The following SNX3 variants were observed in gnomAD, a reference collection of about 807,000 sequenced individuals.
SNX3 encodes the protein sorting nexin 3, also known as sorting nexin-3.
A neutral mutation model predicts 17.7 loss-of-function variants in SNX3; 5 were observed. The observed-to-expected ratio is 0.28, with a 90% CI of 0.15 to 0.59. The LOEUF is 0.59. SNX3 is among the 20% of genes least tolerant of loss of function. The probability of loss-of-function intolerance (pLI) is 0.88; values close to 1 mark genes in which losing one functional copy is unlikely to be tolerated. For synonymous variants in SNX3, 91 were observed against 76.5 expected (o/e 1.19, Z -0.99); for missense variants, 132 against 206.8 (o/e 0.64, Z 2.22).
intron 1 of SNX3, among the ~76,000 whole-genome samples, chr6:108,253,971 A>T (rs867932850): frequency 1.3e-5 from 2 of 151,902 alleles, no homozygotes; most frequent in African/African-American, 4.8e-5. Context: ...TGAAAACACA[A>T]AAAAAATTAG....
At chr6:108,259,553 C>A (rs758141311) in intron 1 of SNX3, among the ~76,000 whole-genome samples, 14 of 152,120 alleles carry the variant, frequency 9.2e-5, no homozygotes, top group Non-Finnish European at 1.9e-4. Flanking sequence ...TTTTACACAT[C>A]CATAAGAAGA....
intron 1 of SNX3, among the ~76,000 whole-genome samples, chr6:108,258,457 CAAA>C (rs531778288): frequency 2.2e-5 from 2 of 88,916 alleles, no homozygotes; most frequent in Admixed American, 1.1e-4. Flanking sequence ...GACTCCGTCT[CAAA>C]AAAAAAAAAA....
intron 1 of SNX3, among the ~76,000 whole-genome samples, chr6:108,236,624 G>A (rs1157582369): frequency 1.3e-5 from 2 of 151,570 alleles, no homozygotes; most frequent in African/African-American, 2.4e-5. Context: ...TCCTGACCTC[G>A]TGATCCGCCC....
intron 2 of SNX3, among the ~76,000 whole-genome samples, 169 bp from the exon 3 acceptor site, chr6:108,214,791 C>CA (rs1774514256): frequency 6.6e-6 from 1 of 152,172 alleles, no homozygotes; most frequent in Admixed American, 6.5e-5. Context: ...AATGTTTAGA[C>CA]AAATGCAGAA....
intron 1 of SNX3, among the ~76,000 whole-genome samples, chr6:108,246,584 C>T (rs1361860205): frequency 6.6e-6 from 1 of 151,896 alleles, no homozygotes; most frequent in Non-Finnish European, 1.5e-5. Flanking sequence ...CCCGCCTCCA[C>T]CTCCCAAAGT....
intron 1 of SNX3, among the ~76,000 whole-genome samples, chr6:108,230,760 C>T (rs1157013984): frequency 1.3e-5 from 2 of 152,156 alleles, no homozygotes; most frequent in Non-Finnish European, 2.9e-5. Context: ...TTAACAGTCA[C>T]TTAAAGCTTA....
chr6:108,243,566 T>C (rs1412905092), intron 1 of SNX3, among the ~76,000 whole-genome samples: 3 of 151,906 alleles, frequency 2.0e-5, no homozygotes, highest in Non-Finnish European at 4.4e-5. Flanking sequence ...ATGGGAACCT[T>C]AGAAAAAGAA....
At chr6:108,235,710 A>G (rs1027805705) in intron 1 of SNX3, among the ~76,000 whole-genome samples, 4 of 152,142 alleles carry the variant, frequency 2.6e-5, no homozygotes, top group Admixed American at 6.5e-5. Flanking sequence ...AGCCTGCCCA[A>G]TATGGTAAAA....
At chr6:108,225,980 T>C (rs1186076694) in intron 1 of SNX3, among the ~76,000 whole-genome samples, 4 of 142,116 alleles carry the variant, frequency 2.8e-5, no homozygotes, top group Non-Finnish European at 6.0e-5. Context: ...TTCCAGACTG[T>C]AGTGAACTAT....
chr6:108,227,060 T>G (rs1281937863), intron 1 of SNX3, among the ~76,000 whole-genome samples: 1 of 152,212 alleles, frequency 6.6e-6, no homozygotes, highest in African/African-American at 2.4e-5. Context: ...GGAATAAAAT[T>G]AGGTCCCCTG....
rs185088891 is a variant in SNX3 at position 108,216,584 on chromosome 6, G to T, written c.259-1962C>A. Among the ~76,000 whole-genome samples the T allele has an allele frequency of 6.6e-3, 1,002 of 152,258 alleles. 5 individuals carry two copies. Among genetic ancestry groups the T allele is most frequent in the African/African-American group, 0.023 (968 of 41,562 alleles). ...TTACTTTAAACGCAAACAGAGAAAT[G>T]TGTAAGCAAACAATCAGAACAAGGA... On this transcript the variant is annotated intron_variant, in intron 2 of 3. Coordinates refer to ENST00000230085, the MANE Select transcript of SNX3 (RefSeq NM_003795.6).
At position 108,250,572 on chromosome 6, in the gene SNX3, G is replaced by A. The variant is rs77989757; in HGVS notation, c.162+10188C>T. On this transcript the variant is annotated intron_variant, in intron 1 of 3. Coordinates refer to ENST00000230085, the MANE Select transcript of SNX3 (RefSeq NM_003795.6). ...CTGGTGATATACACATACATGCCTA[G>A]CTGACAAGATTTTTCTCTACTTGTT... Among the ~76,000 whole-genome samples the A allele has an allele frequency of 3.9e-5, 6 of 152,256 alleles. No individual in the cohort carries two copies. In the East Asian group the frequency reaches 1.2e-3, roughly 29 times the overall value.
chr6:108,237,588 G>A (rs966980288), intron 1 of SNX3, among the ~76,000 whole-genome samples: 2 of 152,090 alleles, frequency 1.3e-5, no homozygotes, highest in Non-Finnish European at 2.9e-5. Flanking sequence ...TCAAGAGCTC[G>A]AGACCAGCCT....
chr6:108,212,067 T>C lies in SNX3; in HGVS notation c.*82A>G, dbSNP rs911640003. 67 of 701,284 alleles carry C rather than the reference T, an allele frequency of 9.6e-5. No individual in the cohort carries two copies. Among genetic ancestry groups the C allele is most frequent in the Admixed American group, 1.1e-4 (4 of 34,900 alleles). 43.4% of individuals were successfully genotyped at this position (701,284 alleles called of 1,614,324 possible). On this transcript the variant is annotated 3_prime_UTR_variant, in exon 4 of 4. Transcript: ENST00000230085. Reference sequence around the variant, plus strand: ...TGAAGGCATGTTATACCAGTTTCTGTGCAGCATGCTAAAAGTTAGAACTTC... The same window carrying C: ...TGAAGGCATGTTATACCAGTTTCTGCGCAGCATGCTAAAAGTTAGAACTTC...
intron 1 of SNX3, among the ~76,000 whole-genome samples, chr6:108,239,365 G>A (rs1380525001): frequency 2.0e-5 from 3 of 152,274 alleles, no homozygotes; most frequent in East Asian, 3.9e-4. Flanking sequence ...GCCAGGTGCA[G>A]TGGCTCATGT....
chr6:108,241,826 A>AGAC (rs1329508060), intron 1 of SNX3, among the ~76,000 whole-genome samples: 1 of 152,230 alleles, frequency 6.6e-6, no homozygotes. Flanking sequence ...TGTGAGCCAT[A>AGAC]GACAGGAGGA....
intron 2 of SNX3, among the ~76,000 whole-genome samples, chr6:108,220,034 T>C (rs1774706805): frequency 6.6e-6 from 1 of 152,142 alleles, no homozygotes; most frequent in African/African-American, 2.4e-5. Flanking sequence ...GAGAAAAGCT[T>C]ATAGAATAAG....
At chr6:108,218,392 G>C (rs1207473120) in intron 2 of SNX3, among the ~76,000 whole-genome samples, 1 of 152,194 alleles carries the variant, frequency 6.6e-6, no homozygotes, top group African/African-American at 2.4e-5. Context: ...AATTGGTAAG[G>C]ATGTGGAGAA....
intron 1 of SNX3, among the ~76,000 whole-genome samples, chr6:108,258,298 A>G (rs1234765357): frequency 1.3e-5 from 2 of 151,844 alleles, no homozygotes; most frequent in East Asian, 4.0e-4. Flanking sequence ...TCTCTACTAA[A>G]AATACAAAAA....
Sources: gnomAD v4.1 joint callset for allele counts (sites outside exome capture counted in the v4.1 genomes callset) on GRCh38, gnomAD v4.1.1 for gene constraint, MANE v1.5 for transcripts, NCBI Gene and HGNC (gene_info 2026-07-23, HGNC 2026-07-21) for gene names.